ZMYM1: variants seen among roughly 807,000 people sequenced by gnomAD.
The protein encoded by ZMYM1 is zinc finger MYM-type containing 1, also known as zinc finger MYM-type protein 1.
Under a neutral mutation model 60.0 loss-of-function variants are expected in ZMYM1, and 39 were observed. That is an observed-to-expected ratio of 0.65 (90% CI 0.50 to 0.85). The LOEUF (loss-of-function observed/expected upper bound fraction) is 0.85, where lower values mean the gene tolerates loss of function less well. ZMYM1 is among the 40% of genes least tolerant of loss of function. ZMYM1 has a pLI of 0.00. For missense variants in ZMYM1, 1,171 were observed against 1,309.5 expected (o/e 0.89, Z 1.63); for synonymous variants, 413 against 454.0 (o/e 0.91, Z 1.15).
At chr1:35,060,151 T>C (rs1641845155) in intron 1 of ZMYM1, among the ~76,000 whole-genome samples, 1 of 133,682 alleles carries the variant, frequency 7.5e-6, no homozygotes, top group Admixed American at 7.1e-5. Flanking sequence ...TTGTTATTAT[T>C]ATTATTATTA....
Position 35,089,600 on chromosome 1 carries a change from T to C in ZMYM1, c.-74-4314T>C, listed in dbSNP as rs145033402. ...CTAACCCAGAATAAAACCATAGTCC[T>C]GGAATTACTCCTGTAAGAGGTTTTT... On this transcript the variant is annotated intron_variant, in intron 1 of 9. Transcript: ENST00000359858. Among the ~76,000 whole-genome samples, 4 of 146,760 alleles carry C rather than the reference T, an allele frequency of 2.7e-5. No homozygotes were observed. The East Asian group carries it at 8.0e-4, about 29-fold the overall frequency.
chr1:35,092,193 T>C (rs1332790230), intron 1 of ZMYM1, among the ~76,000 whole-genome samples: 2 of 152,108 alleles, frequency 1.3e-5, no homozygotes, highest in African/African-American at 4.8e-5. Context: ...CCCAAAGTGC[T>C]GGGATTACAG....
At position 35,113,648 on chromosome 1, in the gene ZMYM1, T is replaced by C. The variant is rs773789001; in HGVS notation, c.1818T>C (p.Asn606=). 9.3e-6 allele frequency: 15 copies of C among 1,612,480 alleles called. No individual in the cohort carries two copies. Among genetic ancestry groups the C allele is most frequent in the Non-Finnish European group, 1.3e-5 (15 of 1,179,560 alleles). The part of the protein sequence containing the change: ...DKGEETFRLM[N]SQVDFYNSTQ... Reference sequence around the variant, plus strand: ...GAGAAGAAACATTTCGACTTATGAATTCACAAGTTGACTTCTATAACAGTA... The same window carrying C: ...GAGAAGAAACATTTCGACTTATGAACTCACAAGTTGACTTCTATAACAGTA... Residue 606 remains asparagine, a synonymous_variant, in exon 10 of 10, where the codon AAT becomes AAC. Coordinates refer to ENST00000359858, the MANE Select transcript of ZMYM1 (RefSeq NM_024772.5).
At chr1:35,098,673 G>A (rs1441937062) in intron 4 of ZMYM1, among the ~76,000 whole-genome samples, 5 of 152,060 alleles carry the variant, frequency 3.3e-5, no homozygotes, top group South Asian at 2.1e-4. Flanking sequence ...TAGGGAGGCC[G>A]AGGTGGGCAG....
intron 1 of ZMYM1, among the ~76,000 whole-genome samples, chr1:35,063,842 G>A (rs1186305600): frequency 1.3e-5 from 2 of 152,174 alleles, no homozygotes; most frequent in African/African-American, 4.8e-5. Context: ...AATATAGGAA[G>A]GATCTGTCCG....
chr1:35,061,724 C>T (rs184093566), intron 1 of ZMYM1, among the ~76,000 whole-genome samples: 2,985 of 150,420 alleles, frequency 0.02, 102 homozygotes, highest in African/African-American at 0.069. Flanking sequence ...TGCAGTGAGC[C>T]GAGATCACAC....
intron 6 of ZMYM1, 68 bp downstream of exon 6, chr1:35,104,837 G>A: frequency 5.1e-6 from 7 of 1,384,644 alleles, no homozygotes; most frequent in Non-Finnish European, 7.0e-6. Flanking sequence ...AGGAAAATGT[G>A]GGAAGTAGTT....
chr1:35,083,379 C>T (rs1282483457), intron 1 of ZMYM1, among the ~76,000 whole-genome samples: 1 of 152,074 alleles, frequency 6.6e-6, no homozygotes. Flanking sequence ...CCTCGAACTC[C>T]TGGGCTAAGC....
chr1:35,059,910 G>A (rs1338676627), exon 1 of ZMYM1: 1 of 151,930 alleles, frequency 6.6e-6, no homozygotes, highest in Admixed American at 6.6e-5. Context: ...ACAAAACCCA[G>A]TCCAGCCACA....
upstream of ZMYM1, among the ~76,000 whole-genome samples, chr1:35,078,528 GTTATTTTAATTTTTTTTTTTTTTTTT>G (rs1427578414): frequency 1.6e-5 from 2 of 127,874 alleles, no homozygotes; most frequent in Non-Finnish European, 3.2e-5. Flanking sequence ...GCAGTTTGGG[GTTATTTTAATTTTTTTTTTTTTTTTT>G]TTTTTTTTTT....
chr1:35,079,412 G>T lies in ZMYM1; in HGVS notation c.-105G>T, dbSNP rs542985559. On this transcript the variant is annotated 5_prime_UTR_variant, in exon 1 of 10. Transcript: ENST00000359858. ...TTTCGCTTCGAAGATTGTTTCAGAA[G>T]CGTTGGGCGGGGCGTCCCTGAGAGA... 1 of 176 alleles carries T rather than the reference G, an allele frequency of 5.7e-3. No individual in the cohort carries two copies. The highest frequency in any genetic ancestry group is 0.12 in the South Asian group (1 of 8). The allele number at this position is 176 out of a possible 1,614,324, so 0.0% of individuals were successfully genotyped here.
chr1:35,107,484 A>C (rs1158002594), intron 6 of ZMYM1, among the ~76,000 whole-genome samples: 2 of 151,502 alleles, frequency 1.3e-5, no homozygotes, highest in African/African-American at 2.4e-5. Flanking sequence ...AAAAAAAAAA[A>C]ACCTGTATTG....
At chr1:35,071,313 C>T (rs532791037) in intron 1 of ZMYM1, among the ~76,000 whole-genome samples, 44 of 145,248 alleles carry the variant, frequency 3.0e-4, no homozygotes, top group Non-Finnish European at 5.4e-4. Flanking sequence ...TAGTTTGCTG[C>T]CATTTATTTA....
intron 4 of ZMYM1, 45 bp downstream of exon 4, chr1:35,097,611 T>A (rs1267642249): frequency 6.3e-7 from 1 of 1,599,784 alleles, no homozygotes; most frequent in Non-Finnish European, 8.6e-7. Context: ...CCTACCTTGT[T>A]CTTGATCATA....
intron 1 of ZMYM1, among the ~76,000 whole-genome samples, chr1:35,065,015 G>A (rs1476553851): frequency 6.6e-6 from 1 of 151,622 alleles, no homozygotes; most frequent in African/African-American, 2.4e-5. Flanking sequence ...CACTGACCAT[G>A]GATTAAAGAA....
At chr1:35,110,210 A>G in intron 6 of ZMYM1, 84 bp from the exon 7 acceptor site, 1 of 1,053,082 alleles carries the variant, frequency 9.5e-7, no homozygotes, top group Non-Finnish European at 1.3e-6. Context: ...TAATATTCCA[A>G]CTAAAAGCAG....
rs1009591676 is a variant in ZMYM1 at position 35,110,333 on chromosome 1, T to C, written c.847T>C (p.Leu283=). The C allele has an allele frequency of 4.4e-6, 7 of 1,582,872 alleles. No individual in the cohort carries two copies. The highest frequency in any genetic ancestry group is 5.1e-6 in the Non-Finnish European group (6 of 1,168,148). The change falls in exon 7 of 10, where the codon TTG becomes CTG. Residue 283 remains leucine (L), a synonymous_variant. Coordinates refer to ENST00000359858, the MANE Select transcript of ZMYM1 (RefSeq NM_024772.5). ...ACTTATATCTGTTCCTTGCAAACCA[T>C]TGAAGCCCTCAGATGAAATGATTGA... ...KPLISVPCKP[L]KPSDEMIETT...
intron 1 of ZMYM1, among the ~76,000 whole-genome samples, chr1:35,089,031 C>A (rs2148504113): frequency 6.6e-6 from 1 of 152,090 alleles, no homozygotes; most frequent in South Asian, 2.1e-4. Context: ...CCAGGCTGGT[C>A]TTGAACTCCC....
At chr1:35,097,604 A>G in intron 4 of ZMYM1, 38 bp downstream of exon 4, 1 of 1,608,010 alleles carries the variant, frequency 6.2e-7, no homozygotes, top group Non-Finnish European at 8.5e-7. Context: ...TTATTTCCCT[A>G]CCTTGTTCTT....
Sources: gnomAD v4.1 joint callset for allele counts (sites outside exome capture counted in the v4.1 genomes callset) on GRCh38, gnomAD v4.1.1 for gene constraint, MANE v1.5 for transcripts, NCBI Gene and HGNC (gene_info 2026-07-23, HGNC 2026-07-21) for gene names.